The following CSMD1 variants were observed in gnomAD, a reference collection of about 807,000 sequenced individuals.
The protein encoded by CSMD1 is CUB and Sushi multiple domains 1.
In CSMD1, 213 loss-of-function variants were observed where a neutral mutation model predicts 417.5. The observed-to-expected ratio is 0.51, with a 90% CI of 0.46 to 0.57. The LOEUF (loss-of-function observed/expected upper bound fraction) is 0.57, where lower values mean the gene tolerates loss of function less well. Among genes scored for constraint, CSMD1 ranks in the 20% least tolerant of loss-of-function variants. CSMD1 has a pLI of 0.00. For synonymous variants in CSMD1, 2,862 were observed against 1,736.8 expected (o/e 1.65, Z -16.11); for missense variants, 6,923 against 4,529.7 (o/e 1.53, Z -15.17).
At chr8:4,418,922 C>G (rs1349178314) in intron 3 of CSMD1, among the ~76,000 whole-genome samples, 3 of 152,142 alleles carry the variant, frequency 2.0e-5, no homozygotes, top group Non-Finnish European at 2.9e-5. Context: ...CCACACGTAA[C>G]TTTAAGCAAA....
In CSMD1 at chr8:4,136,951, C is replaced by G. The variant is rs556498542; in HGVS notation, c.416-104852G>C. Among the ~76,000 whole-genome samples the G allele has an allele frequency of 2.6e-5, 4 of 152,164 alleles. No individual in the cohort carries two copies. In the East Asian group the frequency reaches 7.7e-4, roughly 29 times the overall value. The stretch of plus-strand genomic sequence containing the variant: ...GTACTAGATTAAAATATCATCAAAA[C>G]CAATATTCAGCCTATATCAATGAAA... On this transcript the variant is annotated intron_variant, in intron 3 of 69. Transcript: ENST00000635120.
chr8:3,267,139 G>A (rs1164611410), intron 26 of CSMD1, among the ~76,000 whole-genome samples: 4 of 152,114 alleles, frequency 2.6e-5, no homozygotes, highest in Non-Finnish European at 5.9e-5. Flanking sequence ...GTCGTCCCGC[G>A]GCAGCCAGCG....
At chr8:4,905,713 G>T (rs901813337) in intron 1 of CSMD1, among the ~76,000 whole-genome samples, 1 of 151,344 alleles carries the variant, frequency 6.6e-6, no homozygotes, top group African/African-American at 2.4e-5. Flanking sequence ...CCAGCTCCTC[G>T]GGAGGCTGAG....
intron 2 of CSMD1, among the ~76,000 whole-genome samples, chr8:4,550,115 T>A (rs1240650208): frequency 6.6e-6 from 1 of 151,730 alleles, no homozygotes; most frequent in Non-Finnish European, 1.5e-5. Context: ...AAACGGACTT[T>A]TCCCCAGTTC....
intron 3 of CSMD1, among the ~76,000 whole-genome samples, chr8:4,199,793 G>C (rs758342129): frequency 6.6e-6 from 1 of 152,114 alleles, no homozygotes; most frequent in Non-Finnish European, 1.5e-5. Flanking sequence ...TGTTTAGATA[G>C]AAAATCGGAT....
chr8:3,892,572 G>A (rs888334573), intron 5 of CSMD1, among the ~76,000 whole-genome samples: 5 of 151,578 alleles, frequency 3.3e-5, no homozygotes, highest in Non-Finnish European at 7.4e-5. Flanking sequence ...ATTACTCTAA[G>A]TAAAACCAGT....
At chr8:3,186,869 T>C (rs1228582896) in intron 36 of CSMD1, among the ~76,000 whole-genome samples, 2 of 152,206 alleles carry the variant, frequency 1.3e-5, no homozygotes, top group African/African-American at 4.8e-5. Flanking sequence ...GAGATAGCAA[T>C]AATCCCTTAG....
chr8:3,741,795 C>A (rs987943201), intron 6 of CSMD1, among the ~76,000 whole-genome samples: 1 of 152,086 alleles, frequency 6.6e-6, no homozygotes. Flanking sequence ...TCTCTATGAC[C>A]CTCCATGGCC....
In CSMD1 at chr8:2,998,003, G is replaced by A; in HGVS notation, c.8377+8C>T. ...AGCAAAGGGCTCATTCCTGGATGCT[G>A]TTCCTACCTCGACACGTGGGCAGAG... On this transcript the variant is annotated splice_region_variant and intron_variant, in intron 54 of 69. Transcript: ENST00000635120. 2 of 1,612,348 alleles carry A rather than the reference G, an allele frequency of 1.2e-6. No homozygotes were observed. The highest frequency in any genetic ancestry group is 1.7e-6 in the Non-Finnish European group (2 of 1,179,028).
chr8:3,488,040 CT>C (rs146309451), intron 11 of CSMD1, among the ~76,000 whole-genome samples: 20,995 of 150,786 alleles, frequency 0.14, 1,541 homozygotes, highest in East Asian at 0.23. Flanking sequence ...GAAGAGGTGA[CT>C]TTTTTTTTCT....
At chr8:4,105,377 A>G (rs1190726804) in intron 3 of CSMD1, among the ~76,000 whole-genome samples, 1 of 152,122 alleles carries the variant, frequency 6.6e-6, no homozygotes, top group Admixed American at 6.5e-5. Flanking sequence ...ACATGTAACT[A>G]TGAATAAGAA....
rs1224774905 is a variant in CSMD1, at chr8:4,879,926, C to A, written c.85+114406G>T. On this transcript the variant is annotated intron_variant, in intron 1 of 69. Coordinates refer to ENST00000635120, the MANE Select transcript of CSMD1 (RefSeq NM_033225.6). ...TCTGGATTTTATCTCATTAACTTCC[C>A]AACCAGAATTCATTTTGTCGTTGTT... Among the ~76,000 whole-genome samples the A allele has an allele frequency of 1.3e-4, 20 of 152,068 alleles. 1 individual carries two copies.
At chr8:4,550,547 A>C (rs1024203633) in intron 2 of CSMD1, among the ~76,000 whole-genome samples, 1 of 152,144 alleles carries the variant, frequency 6.6e-6, no homozygotes, top group Non-Finnish European at 1.5e-5. Context: ...TTGCAGGATA[A>C]AGTTTATTTT....
At chr8:2,940,457 G>C (rs1397510742) in intron 69 of CSMD1, among the ~76,000 whole-genome samples, 2 of 152,116 alleles carry the variant, frequency 1.3e-5, no homozygotes, top group African/African-American at 4.8e-5. Context: ...GATGACGACA[G>C]ATTCCCCACC....
At position 4,637,470 on chromosome 8, in the gene CSMD1, G is replaced by A. The variant is rs750265179; in HGVS notation, c.174C>T (p.Cys58=). The A allele has an allele frequency of 8.7e-6, 14 of 1,613,698 alleles. No homozygotes were observed. The highest frequency in any genetic ancestry group is 4.0e-5 in the African/African-American group (3 of 74,874). The part of the protein sequence containing the change: ...FPHGYPNYAN[C]TWIIITGERN... ...GCTCGCCCGTGATGATGATCCAGGT[G>A]CAGTTGGCATAGTTCGGATACCCGT... The change falls in exon 2 of 70, where the codon TGC becomes TGT. Residue 58 remains cysteine (C), a synonymous_variant. Coordinates refer to ENST00000635120, the MANE Select transcript of CSMD1 (RefSeq NM_033225.6).
intron 37 of CSMD1, among the ~76,000 whole-genome samples, chr8:3,163,616 A>C (rs531269345): frequency 1.3e-5 from 2 of 151,870 alleles, no homozygotes; most frequent in South Asian, 4.2e-4. Flanking sequence ...TTTCCGAAAA[A>C]GAAAAAAAAA....
chr8:3,417,038 C>G (rs1424451006), intron 12 of CSMD1, among the ~76,000 whole-genome samples: 1 of 152,000 alleles, frequency 6.6e-6, no homozygotes, highest in East Asian at 1.9e-4. Flanking sequence ...AATGATTTAC[C>G]AAGAGTTTAA....
chr8:4,696,940 G>C (rs530162775), intron 1 of CSMD1, among the ~76,000 whole-genome samples: 81 of 152,280 alleles, frequency 5.3e-4, no homozygotes, highest in African/African-American at 1.8e-3. Flanking sequence ...TTAGGAGGCC[G>C]AGCTGGGTAG....
intron 48 of CSMD1, 97 bp from the exon 49 acceptor site, chr8:3,087,382 T>C (rs1288394006): frequency 3.1e-6 from 4 of 1,278,562 alleles, no homozygotes; most frequent in Non-Finnish European, 3.3e-6. Context: ...TGGCTTCTCA[T>C]TTCCAAAAGG....
Sources: gnomAD v4.1 joint callset for allele counts (sites outside exome capture counted in the v4.1 genomes callset) on GRCh38, gnomAD v4.1.1 for gene constraint, MANE v1.5 for transcripts, NCBI Gene and HGNC (gene_info 2026-07-23, HGNC 2026-07-21) for gene names.